SH3BGRL2: variants seen among roughly 807,000 people sequenced by gnomAD.
SH3BGRL2 encodes SH3 domain-binding glutamic acid-rich-like protein 2.
SH3BGRL2 carries 21 observed loss-of-function variants against 14.8 expected under a neutral mutation model. The observed-to-expected ratio is 1.42, with a 90% CI of 1.01 to 2.05. The LOEUF is 2.05. Ranked by LOEUF, SH3BGRL2 falls within the 30% of genes most tolerant of loss-of-function variation. SH3BGRL2 has a pLI of 0.00. For missense variants in SH3BGRL2, 147 were observed against 130.8 expected (o/e 1.12, Z -0.61); for synonymous variants, 50 against 47.8 (o/e 1.05, Z -0.19).
In SH3BGRL2 at chr6:79,698,148, C is replaced by G. The variant is rs112547889; in HGVS notation, c.313-1350C>G. On this transcript the variant is annotated intron_variant, in intron 3 of 3. Transcript: ENST00000369838. ...CATTCAGCCCACCGTTTTCAGGGAC[C>G]TAAATCAGTTATACCTGGACAGGAG... Among the ~76,000 whole-genome samples, 169 of 152,184 alleles carry G rather than the reference C, an allele frequency of 1.1e-3. 1 individual carries two copies. Among genetic ancestry groups the G allele is most frequent in the African/African-American group, 3.9e-3 (163 of 41,506 alleles).
chr6:79,640,692 G>T (rs985895371), intron 1 of SH3BGRL2, among the ~76,000 whole-genome samples: 1 of 152,114 alleles, frequency 6.6e-6, no homozygotes, highest in Non-Finnish European at 1.5e-5. Flanking sequence ...TTGCTGTGGG[G>T]TCTTGGTGGG....
chr6:79,546,767 A>T, the SH3BGRL2 span, among the ~76,000 whole-genome samples: 127 of 150,256 alleles, frequency 8.5e-4, no homozygotes, highest in African/African-American at 3.0e-3. Context: ...ATCTCAGCTC[A>T]CTGTAACCTC....
At chr6:79,619,650 G>A in the SH3BGRL2 span, among the ~76,000 whole-genome samples, 1 of 152,168 alleles carries the variant, frequency 6.6e-6, no homozygotes, top group Non-Finnish European at 1.5e-5. Flanking sequence ...AGGAGATGAA[G>A]ATAAGCAGGA....
chr6:79,697,701 C>G (rs1324100155), intron 3 of SH3BGRL2, among the ~76,000 whole-genome samples: 2 of 152,060 alleles, frequency 1.3e-5, no homozygotes, highest in Non-Finnish European at 2.9e-5. Flanking sequence ...CTTAAAACTG[C>G]TTTTATAAAG....
chr6:79,588,234 A>G, the SH3BGRL2 span, among the ~76,000 whole-genome samples: 3 of 147,682 alleles, frequency 2.0e-5, no homozygotes, highest in Admixed American at 6.9e-5. Flanking sequence ...CAGAGGTTGC[A>G]GTGAGCCGAT....
chr6:79,659,653 G>T (rs542215031), intron 1 of SH3BGRL2, among the ~76,000 whole-genome samples: 229 of 152,206 alleles, frequency 1.5e-3, no homozygotes, highest in Non-Finnish European at 2.0e-3. Flanking sequence ...ACTTTAAAGT[G>T]GTTTTTTTCC....
chr6:79,638,673 GATTTGC>G (rs771799148), intron 1 of SH3BGRL2, among the ~76,000 whole-genome samples: 3 of 151,942 alleles, frequency 2.0e-5, no homozygotes, highest in Non-Finnish European at 2.9e-5. Flanking sequence ...TTATCATTTT[GATTTGC>G]ATTTTCCTGA....
At chr6:79,635,379 A>G (rs1006847888) in intron 1 of SH3BGRL2, among the ~76,000 whole-genome samples, 4 of 152,372 alleles carry the variant, frequency 2.6e-5, no homozygotes, top group Admixed American at 1.3e-4. Context: ...CTGAGATTTC[A>G]TAGGAAGCCA....
chr6:79,651,977 G>C (rs969474117), intron 1 of SH3BGRL2, among the ~76,000 whole-genome samples: 1 of 152,130 alleles, frequency 6.6e-6, no homozygotes, highest in African/African-American at 2.4e-5. Context: ...ACTTATAGGT[G>C]CCAGTAGTAT....
chr6:79,663,390 C>T (rs1769592805), intron 1 of SH3BGRL2, among the ~76,000 whole-genome samples: 1 of 152,202 alleles, frequency 6.6e-6, no homozygotes, highest in Admixed American at 6.5e-5. Context: ...GGTTTTCCTT[C>T]TGACAGTCAG....
chr6:79,553,594 G>C, the SH3BGRL2 span, among the ~76,000 whole-genome samples: 6 of 152,292 alleles, frequency 3.9e-5, no homozygotes, highest in African/African-American at 1.2e-4. Flanking sequence ...GAACACCAAA[G>C]AGAGGCGACT....
chr6:79,642,686 T>C (rs1562145416), intron 1 of SH3BGRL2, among the ~76,000 whole-genome samples: 1 of 152,194 alleles, frequency 6.6e-6, no homozygotes, highest in Non-Finnish European at 1.5e-5. Flanking sequence ...TTGTAACTGA[T>C]ACAGAATATG....
the SH3BGRL2 span, among the ~76,000 whole-genome samples, chr6:79,625,247 T>TACACAC: frequency 6.7e-6 from 1 of 150,278 alleles, no homozygotes; most frequent in East Asian, 1.9e-4. Flanking sequence ...CATATATATA[T>TACACAC]ACACACACAC....
At chr6:79,658,702 C>T (rs7774566) in intron 1 of SH3BGRL2, among the ~76,000 whole-genome samples, 4,013 of 152,234 alleles carry the variant, frequency 0.026, 78 homozygotes, top group Non-Finnish European at 0.036. Flanking sequence ...GTTCTAGATC[C>T]TTGAGGAATC....
chr6:79,677,711 A>T (rs977282338), intron 2 of SH3BGRL2, among the ~76,000 whole-genome samples: 1 of 152,190 alleles, frequency 6.6e-6, no homozygotes, highest in African/African-American at 2.4e-5. Flanking sequence ...TCCATAATTC[A>T]TAATTCCTCT....
intron 2 of SH3BGRL2, among the ~76,000 whole-genome samples, chr6:79,691,733 A>G: frequency 6.6e-6 from 1 of 151,018 alleles, no homozygotes; most frequent in Non-Finnish European, 1.5e-5. Context: ...TATGTGCCAC[A>G]TTTTCTTAAT....
chr6:79,582,231 A>C, the SH3BGRL2 span, among the ~76,000 whole-genome samples: 1 of 152,208 alleles, frequency 6.6e-6, no homozygotes, highest in Non-Finnish European at 1.5e-5. Context: ...TATAGATTCA[A>C]TGCCATCCCC....
the SH3BGRL2 span, among the ~76,000 whole-genome samples, chr6:79,596,869 C>T: frequency 2.0e-5 from 3 of 152,146 alleles, no homozygotes; most frequent in African/African-American, 7.2e-5. Context: ...CTGGAAAATT[C>T]ATACCTCCCA....
intron 1 of SH3BGRL2, among the ~76,000 whole-genome samples, chr6:79,649,126 G>A (rs1265799372): frequency 6.6e-6 from 1 of 152,128 alleles, no homozygotes; most frequent in Non-Finnish European, 1.5e-5. Context: ...AGTCATAATG[G>A]GAAGCTCTGA....
Sources: allele counts gnomAD v4.1 joint callset (sites outside exome capture counted in the v4.1 genomes callset), GRCh38; gene constraint gnomAD v4.1.1; transcripts MANE v1.5; gene names NCBI Gene and HGNC (gene_info 2026-07-23, HGNC 2026-07-21).